The following TNC variants were observed in gnomAD, a reference collection of about 807,000 sequenced individuals.
The protein encoded by TNC is tenascin C, also known as tenascin.
A neutral mutation model predicts 202.4 loss-of-function variants in TNC; 109 were observed. The ratio of observed to expected loss-of-function variants is 0.54; its 90% CI spans 0.46 to 0.63. The LOEUF is 0.63. Among genes scored for constraint, TNC ranks in the 30% least tolerant of loss-of-function variants. The pLI is 0.00. For synonymous variants in TNC, 1,007 were observed against 1,089.7 expected, an observed-to-expected ratio of 0.92 and a Z score of 1.50; for missense variants, 2,756 against 2,833.3, an observed-to-expected ratio of 0.97 and a Z score of 0.62.
chr9:115,042,212 C>A lies in TNC; in HGVS notation c.5248+7G>T. ...CCTCCTCTCTCTCCCCTTTCCGAGT[C>A]TCCTACCTCCTGTAATGGGCACATA... On this transcript the variant is annotated splice_region_variant and intron_variant, in intron 18 of 27. Coordinates refer to ENST00000350763, the MANE Select transcript of TNC (RefSeq NM_002160.4). 5 of 1,613,582 alleles carry A rather than the reference C, an allele frequency of 3.1e-6. No individual in the cohort carries two copies. Among genetic ancestry groups the A allele is most frequent in the Non-Finnish European group, 4.2e-6 (5 of 1,179,692 alleles).
intron 2 of TNC, among the ~76,000 whole-genome samples, chr9:115,088,372 A>T (rs1834959159): frequency 6.6e-6 from 1 of 152,184 alleles, no homozygotes. Context: ...TTCTAATTCT[A>T]TAAGGACACC....
chr9:115,036,010 A>G, intron 21 of TNC, 88 bp downstream of exon 21: 1 of 1,517,144 alleles, frequency 6.6e-7, no homozygotes, highest in Non-Finnish European at 9.0e-7. Flanking sequence ...CTTAAGAAAG[A>G]AGAACTGGCT....
At chr9:115,051,468 G>A (rs921880517) in intron 15 of TNC, among the ~76,000 whole-genome samples, 1 of 151,926 alleles carries the variant, frequency 6.6e-6, no homozygotes, top group Non-Finnish European at 1.5e-5. Flanking sequence ...CAATCCTGAG[G>A]GATAAGGAGG....
At chr9:115,084,600 C>T in intron 3 of TNC, 128 bp from the exon 4 acceptor site, 1 of 1,113,098 alleles carries the variant, frequency 9.0e-7, no homozygotes, top group East Asian at 2.6e-5. Context: ...CTCTAAAATG[C>T]AGATGGCATC....
intron 9 of TNC, among the ~76,000 whole-genome samples, chr9:115,075,022 G>T (rs149740173): frequency 1.3e-5 from 2 of 152,114 alleles, no homozygotes; most frequent in East Asian, 3.9e-4. Context: ...TAAAAAAAAA[G>T]AATTGGCATG....
In TNC at chr9:115,073,759, T is replaced by C. The variant is rs1408797988; in HGVS notation, c.3058A>G (p.Ser1020Gly). The change falls in exon 10 of 28, where the codon AGT becomes GGT. Residue 1020 changes from serine to glycine, a missense_variant. Physicochemically the swap from Ser to Gly is moderately conservative, Grantham distance 56. Around this residue, in one of 2 missense-constraint regions of TNC, gnomAD observed 2,559 missense variants for 2,546.0 expected, o/e 1.01. Transcript: ENST00000350763. Reference sequence around the variant, plus strand: ...CCCACCCACTGGCCTGTGGGGAGACTGTAATTGAGGCGGTAGCGGTCAAAT... The same window carrying C: ...CCCACCCACTGGCCTGTGGGGAGACCGTAATTGAGGCGGTAGCGGTCAAAT... ...AKFDRYRLNY[S>G]LPTGQWVGVQ... 7.4e-6 allele frequency: 12 copies of C among 1,614,176 alleles called. No homozygotes were observed. The highest frequency in any genetic ancestry group is 9.3e-6 in the Non-Finnish European group (11 of 1,180,016).
intron 12 of TNC, 110 bp downstream of exon 12, chr9:115,063,686 T>G: frequency 8.3e-7 from 1 of 1,200,924 alleles, no homozygotes; most frequent in Non-Finnish European, 1.2e-6. Context: ...TTCACTGGTA[T>G]TTCCCCAATG....
At chr9:115,112,989 T>A (rs145839606) in intron 1 of TNC, among the ~76,000 whole-genome samples, 122 of 152,294 alleles carry the variant, frequency 8.0e-4, no homozygotes, top group Admixed American at 3.3e-3. Context: ...AGGGATGTGA[T>A]GTGGATCGGG....
At chr9:115,079,872 T>A (rs1310799798) in intron 6 of TNC, among the ~76,000 whole-genome samples, 1 of 152,216 alleles carries the variant, frequency 6.6e-6, no homozygotes, top group East Asian at 1.9e-4. Context: ...TTTATATAGA[T>A]GCCAGACAGA....
At chr9:115,061,514 GC>G (rs1427308517) in intron 13 of TNC, among the ~76,000 whole-genome samples, 2 of 152,176 alleles carry the variant, frequency 1.3e-5, no homozygotes, top group Non-Finnish European at 2.9e-5. Context: ...TGTCTCAAAG[GC>G]CCTTTTTGCT....
intron 23 of TNC, among the ~76,000 whole-genome samples, chr9:115,031,073 T>C (rs1383865475): frequency 2.6e-5 from 4 of 152,168 alleles, no homozygotes; most frequent in Non-Finnish European, 5.9e-5. Context: ...CATTTGTGAT[T>C]TTGAATGTGG....
intron 26 of TNC, among the ~76,000 whole-genome samples, chr9:115,026,072 C>A (rs1829454338): frequency 6.6e-6 from 1 of 152,142 alleles, no homozygotes; most frequent in African/African-American, 2.4e-5. Context: ...ATTGGCATCA[C>A]CAGGGAACTT....
chr9:115,020,108 A>T lies in TNC; in HGVS notation c.*1049T>A, dbSNP rs1010401607. On this transcript the variant is annotated 3_prime_UTR_variant, in exon 28 of 28. Coordinates refer to ENST00000350763, the MANE Select transcript of TNC (RefSeq NM_002160.4). ...CAGGCTGGAGTGCAGTAGTGTGATC[A>T]TAGCTCACTGTAACCTCTAACTCCT... The T allele has an allele frequency of 1.1e-4, 16 of 151,924 alleles. No individual in the cohort carries two copies. The highest frequency in any genetic ancestry group is 3.6e-4 in the African/African-American group (15 of 41,382). The allele number at this position is 151,924 out of a possible 1,614,324, so 9.4% of individuals were successfully genotyped here. A position where few individuals can be genotyped will look rare whatever the true frequency, so the allele number is the denominator to read the frequency against.
intron 10 of TNC, among the ~76,000 whole-genome samples, chr9:115,071,387 C>T (rs1381866496): frequency 1.3e-5 from 2 of 152,116 alleles, no homozygotes; most frequent in East Asian, 1.9e-4. Context: ...ATTAAGGAGG[C>T]GTGGTGGGGA....
Position 115,085,916 on chromosome 9 carries a change from G to A in TNC, c.1815C>T (p.Val605=), listed in dbSNP as rs766643659. ...CCTCGTTGCAGATGCAGCGGCCCGA[G>A]ACGCATTGTCCTAAGTTGTTGCAGT... The part of the protein sequence containing the change: ...PSDCNNLGQC[V]SGRCICNEGY... The change falls in exon 3 of 28, where the codon GTC becomes GTT. Residue 605 remains valine (V), a synonymous_variant. Transcript: ENST00000350763. 3.7e-6 allele frequency: 6 copies of A among 1,613,184 alleles called. No homozygotes were observed. The highest frequency in any genetic ancestry group is 5.1e-6 in the Non-Finnish European group (6 of 1,179,282).
intron 1 of TNC, among the ~76,000 whole-genome samples, chr9:115,103,199 CT>C: frequency 6.6e-6 from 1 of 152,328 alleles, no homozygotes; most frequent in Admixed American, 6.5e-5. Flanking sequence ...GAGCTCAGTA[CT>C]TTCTACTTTG....
At chr9:115,040,728 C>G (rs1433131771) in intron 19 of TNC, among the ~76,000 whole-genome samples, 1 of 152,150 alleles carries the variant, frequency 6.6e-6, no homozygotes, top group Non-Finnish European at 1.5e-5. Context: ...TAAGGTCACC[C>G]AGCTCACCAG....
At chr9:115,061,035 G>C (rs750274188) in intron 13 of TNC, among the ~76,000 whole-genome samples, 2 of 152,128 alleles carry the variant, frequency 1.3e-5, no homozygotes, top group Non-Finnish European at 2.9e-5. Context: ...TTGGATTTAG[G>C]ATATGGAAAA....
rs766555556 is a variant in TNC, at chr9:115,087,037, C to T, written c.694G>A (p.Val232Ile). The T allele has an allele frequency of 8.7e-5, 141 of 1,613,324 alleles. 1 individual carries two copies. The highest frequency in any genetic ancestry group is 1.1e-4 in the Non-Finnish European group (131 of 1,179,510). ...PSDCNDQGKC[V>I]NGVCICFEGY... ...TCGAAACAGATGCAGACTCCATTTA[C>T]GCACTTGCCCTGGTCATTGCAGTCG... The change falls in exon 3 of 28, where the codon GTA becomes ATA. Residue 232 changes from valine to isoleucine, a missense_variant. Transcript: ENST00000350763.
Sources: allele counts gnomAD v4.1 joint callset (sites outside exome capture counted in the v4.1 genomes callset), GRCh38; gene constraint gnomAD v4.1.1; regional missense constraint gnomAD v4.1.1; transcripts MANE v1.5; gene names NCBI Gene and HGNC (gene_info 2026-07-23, HGNC 2026-07-21).